ADD1: variants seen among roughly 807,000 people sequenced by gnomAD.
ADD1 encodes the protein adducin 1.
Under a neutral mutation model 80.5 loss-of-function variants are expected in ADD1, and 24 were observed. The observed-to-expected ratio is 0.30, with a 90% CI of 0.22 to 0.42. The LOEUF (loss-of-function observed/expected upper bound fraction) is 0.42, where lower values mean the gene tolerates loss of function less well. Among genes scored for constraint, ADD1 ranks in the 10% least tolerant of loss-of-function variants. ADD1 has a pLI of 1.00. For missense variants in ADD1, 948 were observed against 1,019.0 expected, an observed-to-expected ratio of 0.93 and a Z score of 0.95; for synonymous variants, 373 against 393.8, an observed-to-expected ratio of 0.95 and a Z score of 0.63.
chr4:2,927,791 A>G (rs1335286582), intron 15 of ADD1, among the ~76,000 whole-genome samples: 1 of 152,182 alleles, frequency 6.6e-6, no homozygotes, highest in Non-Finnish European at 1.5e-5. Context: ...TTTCAGTACT[A>G]CTAGTACATG....
chr4:2,905,508 G>A (rs559999351), intron 10 of ADD1: 1 of 188,966 alleles, frequency 5.3e-6, no homozygotes, highest in Non-Finnish European at 1.1e-5. Flanking sequence ...GTGGTTTCAA[G>A]TCACTAAAGT....
intron 1 of ADD1, among the ~76,000 whole-genome samples, chr4:2,859,589 G>A (rs1362086356): frequency 3.0e-4 from 46 of 152,328 alleles, no homozygotes; most frequent in Admixed American, 2.2e-3. Context: ...CTTGGCAACC[G>A]TGAGACCCTG....
chr4:2,891,420 C>T (rs1734284914), intron 4 of ADD1, among the ~76,000 whole-genome samples: 1 of 151,712 alleles, frequency 6.6e-6, no homozygotes, highest in African/African-American at 2.4e-5. Context: ...GCACTCCAGC[C>T]TGGGTGACAG....
At chr4:2,889,608 C>T (rs1214589517) in intron 4 of ADD1, among the ~76,000 whole-genome samples, 2 of 151,490 alleles carry the variant, frequency 1.3e-5, no homozygotes, top group South Asian at 2.1e-4. Context: ...GATCACCTGA[C>T]GTCAGGAGTT....
chr4:2,896,861 C>T (rs890082343), intron 6 of ADD1, among the ~76,000 whole-genome samples: 2 of 152,102 alleles, frequency 1.3e-5, no homozygotes, highest in Non-Finnish European at 2.9e-5. Flanking sequence ...TGGGTTCAAA[C>T]GATTCTCCCA....
chr4:2,853,932 G>T (rs916940298), intron 1 of ADD1, among the ~76,000 whole-genome samples: 2 of 152,122 alleles, frequency 1.3e-5, no homozygotes, highest in Admixed American at 6.5e-5. Flanking sequence ...CATTGCACCC[G>T]GAGAAATGGC....
At chr4:2,873,051 C>T (rs1052100747) in intron 1 of ADD1, among the ~76,000 whole-genome samples, 3 of 151,730 alleles carry the variant, frequency 2.0e-5, no homozygotes, top group African/African-American at 4.8e-5. Context: ...TGGAGTGCAG[C>T]GGCATGACTC....
intron 11 of ADD1, 82 bp downstream of exon 11, chr4:2,907,926 T>A: frequency 8.8e-7 from 1 of 1,132,386 alleles, no homozygotes; most frequent in East Asian, 2.3e-5. Context: ...AGCGGGTGCT[T>A]GCTTCTAGCA....
At position 2,915,034 on chromosome 4, in the gene ADD1, T is replaced by G; in HGVS notation, c.1942T>G (p.Ser648Ala). The change falls in exon 14 of 16, where the codon TCT (serine) becomes GCT (alanine). Residue 648 changes from serine (S) to alanine (A), a missense_variant. Coordinates refer to ENST00000683351, the MANE Select transcript of ADD1 (RefSeq NM_001354761.2). ...RREVERKQKGSEENLDEAREQ... is the reference protein window; with the variant it reads ...RREVERKQKGAEENLDEAREQ... Reference sequence around the variant, plus strand: ...GGAGGTGGAGAGGAAGCAGAAGGGCTCTGAAGGTGAGTGCTTGTGGTCCTG... The same window carrying G: ...GGAGGTGGAGAGGAAGCAGAAGGGCGCTGAAGGTGAGTGCTTGTGGTCCTG... 6.2e-7 allele frequency: 1 copy of G among 1,611,850 alleles called. No homozygotes were observed. Among genetic ancestry groups the G allele is most frequent in the South Asian group, 1.1e-5 (1 of 90,728 alleles).
At chr4:2,898,591 A>G in intron 8 of ADD1, 60 bp downstream of exon 8, 1 of 1,479,998 alleles carries the variant, frequency 6.8e-7, no homozygotes, top group South Asian at 1.1e-5. Flanking sequence ...GGGTTCACAT[A>G]GATTTTTTTT....
intron 1 of ADD1, among the ~76,000 whole-genome samples, chr4:2,866,629 T>C (rs533654499): frequency 3.8e-4 from 58 of 152,324 alleles, no homozygotes; most frequent in Non-Finnish European, 6.9e-4. Context: ...GAGATGGTGC[T>C]GAACTACACA....
intron 14 of ADD1, among the ~76,000 whole-genome samples, chr4:2,924,793 A>G (rs549819517): frequency 7.4e-4 from 112 of 152,144 alleles, no homozygotes; most frequent in Admixed American, 2.1e-3. Context: ...CATTGCTGTA[A>G]TTACCTGCCT....
intron 14 of ADD1, among the ~76,000 whole-genome samples, chr4:2,920,029 G>A (rs1739736176): frequency 2.6e-5 from 4 of 152,090 alleles, no homozygotes; most frequent in Admixed American, 2.6e-4. Context: ...AGAGATTCTG[G>A]TACGCTTTGT....
chr4:2,893,281 GAAA>G (rs1303022792), intron 4 of ADD1, among the ~76,000 whole-genome samples: 1 of 139,064 alleles, frequency 7.2e-6, no homozygotes. Context: ...CTGCAGCAAG[GAAA>G]AAAAAAAAAG....
intron 1 of ADD1, among the ~76,000 whole-genome samples, chr4:2,871,863 A>C (rs1187849945): frequency 6.6e-6 from 1 of 152,190 alleles, no homozygotes; most frequent in Non-Finnish European, 1.5e-5. Context: ...CTAGTGTTCA[A>C]ATTTCTAGTT....
chr4:2,883,902 A>G (rs986845801), intron 3 of ADD1, among the ~76,000 whole-genome samples: 15 of 152,002 alleles, frequency 9.9e-5, no homozygotes, highest in African/African-American at 3.6e-4. Flanking sequence ...CGATCTCCTG[A>G]CCTTGTGATC....
intron 1 of ADD1, among the ~76,000 whole-genome samples, chr4:2,865,554 A>T (rs1467133701): frequency 6.6e-6 from 1 of 152,236 alleles, no homozygotes; most frequent in South Asian, 2.1e-4. Flanking sequence ...TCTTTCAGAT[A>T]AAACAACTGC....
chr4:2,881,939 T>G lies in ADD1; in HGVS notation c.237T>G (p.Phe79Leu). ...EELESMIQEQ[F>L]KKGKNPTGLL... Reference sequence around the variant, plus strand: ...TGGAATCAATGATACAGGAGCAATTTAAGAAGGGGAAGAACCCCACAGGCC... The same window carrying G: ...TGGAATCAATGATACAGGAGCAATTGAAGAAGGGGAAGAACCCCACAGGCC... The change falls in exon 3 of 16, where the codon TTT becomes TTG. Residue 79 changes from phenylalanine to leucine, a missense_variant. Coordinates refer to ENST00000683351, the MANE Select transcript of ADD1 (RefSeq NM_001354761.2). The G allele has an allele frequency of 6.2e-7, 1 of 1,609,470 alleles. No individual in the cohort carries two copies. Among genetic ancestry groups the G allele is most frequent in the Non-Finnish European group, 8.5e-7 (1 of 1,178,706 alleles).
intron 1 of ADD1, 74 bp from the exon 2 acceptor site, chr4:2,875,822 G>A: frequency 8.3e-7 from 1 of 1,209,706 alleles, no homozygotes. Flanking sequence ...TGTTTACCAA[G>A]CTCATGTGCT....
Sources: gnomAD v4.1 joint callset for allele counts (sites outside exome capture counted in the v4.1 genomes callset) on GRCh38, gnomAD v4.1.1 for gene constraint, MANE v1.5 for transcripts, NCBI Gene and HGNC (gene_info 2026-07-23, HGNC 2026-07-21) for gene names.